NRG3: variants seen among roughly 807,000 people sequenced by gnomAD.
NRG3 encodes the protein pro-neuregulin-3, membrane-bound isoform.
A neutral mutation model predicts 66.9 loss-of-function variants in NRG3; 31 were observed. That is an observed-to-expected ratio of 0.46 (90% CI 0.35 to 0.63). The LOEUF is 0.63. Ranked by LOEUF, NRG3 falls within the 20% of genes least tolerant of loss-of-function variation. The pLI, the probability that NRG3 is intolerant of heterozygous loss-of-function variation, is 0.00. For missense variants in NRG3, 910 were observed against 878.9 expected (o/e 1.04, Z -0.45); for synonymous variants, 393 against 359.4 (o/e 1.09, Z -1.06).
At chr10:82,083,829 C>G (rs963829294) in intron 1 of NRG3, among the ~76,000 whole-genome samples, 4 of 151,118 alleles carry the variant, frequency 2.6e-5, no homozygotes, top group Non-Finnish European at 5.9e-5. Context: ...GTTGGTCAGG[C>G]TGGTCTCAAA....
At chr10:82,645,168 T>C (rs1353685810) in intron 2 of NRG3, among the ~76,000 whole-genome samples, 3 of 152,186 alleles carry the variant, frequency 2.0e-5, no homozygotes, top group Non-Finnish European at 4.4e-5. Context: ...GCTGGTATTA[T>C]ATGATACCAG....
chr10:82,639,310 T>G (rs1290504853), intron 2 of NRG3, among the ~76,000 whole-genome samples: 6 of 152,172 alleles, frequency 3.9e-5, no homozygotes, highest in Non-Finnish European at 8.8e-5. Context: ...CCCTTGGGCC[T>G]CTTTTATAAG....
chr10:82,730,858 T>C (rs2134643610), intron 2 of NRG3, among the ~76,000 whole-genome samples: 1 of 152,286 alleles, frequency 6.6e-6, no homozygotes, highest in East Asian at 1.9e-4. Context: ...CCAATAACTC[T>C]AGGCTGTAGA....
chr10:82,027,906 C>T (rs1374902399), intron 1 of NRG3, among the ~76,000 whole-genome samples: 1 of 152,074 alleles, frequency 6.6e-6, no homozygotes, highest in African/African-American at 2.4e-5. Context: ...ACAAGTTAGT[C>T]ACAGACTTTA....
chr10:82,905,200 A>G (rs1844608749), intron 4 of NRG3, among the ~76,000 whole-genome samples: 1 of 152,138 alleles, frequency 6.6e-6, no homozygotes, highest in Non-Finnish European at 1.5e-5. Context: ...GATTATTTAT[A>G]TCCATATGCC....
At chr10:81,977,960 A>G (rs2060188348) in intron 1 of NRG3, among the ~76,000 whole-genome samples, 1 of 152,176 alleles carries the variant, frequency 6.6e-6, no homozygotes, top group Admixed American at 6.6e-5. Flanking sequence ...ATGTTTTGAT[A>G]CATGTATTGT....
chr10:82,443,031 T>G (rs544457988), intron 2 of NRG3, among the ~76,000 whole-genome samples: 2 of 152,196 alleles, frequency 1.3e-5, no homozygotes, highest in South Asian at 2.1e-4. Context: ...TGTCTTTGAC[T>G]TTTACATACC....
chr10:82,482,035 G>A (rs186303258), intron 2 of NRG3, among the ~76,000 whole-genome samples: 16 of 152,026 alleles, frequency 1.1e-4, no homozygotes, highest in East Asian at 5.8e-4. Context: ...ATTATGTTTC[G>A]AAGCACAGCT....
chr10:82,433,543 G>A (rs1368509325), intron 2 of NRG3, among the ~76,000 whole-genome samples: 1 of 151,972 alleles, frequency 6.6e-6, no homozygotes, highest in Non-Finnish European at 1.5e-5. Flanking sequence ...GTCCTGAATG[G>A]CATTGCCAGG....
rs1005101433 is a variant in NRG3 at position 82,368,940 on chromosome 10, C to T, written c.953+10072C>T. Among the ~76,000 whole-genome samples, 3 of 138,102 alleles carry T rather than the reference C, an allele frequency of 2.2e-5. 1 individual carries two copies. Among genetic ancestry groups the T allele is most frequent in the African/African-American group, 6.8e-5 (2 of 29,578 alleles). 90.6% of individuals were successfully genotyped at this position (138,102 alleles called of 152,430 possible). On this transcript the variant is annotated intron_variant, in intron 2 of 8. Transcript: ENST00000372141. ...GGCTCAGCTGTTCTGTGGACTCTGC[C>T]GAGGCAATGAGGGAATTTGCCGTGT...
intron 2 of NRG3, among the ~76,000 whole-genome samples, chr10:82,696,060 T>C (rs2055356054): frequency 6.6e-6 from 1 of 152,152 alleles, no homozygotes; most frequent in South Asian, 2.1e-4. Flanking sequence ...ATTCTTTGCC[T>C]CTCCTAAGTG....
intron 2 of NRG3, among the ~76,000 whole-genome samples, chr10:82,378,042 G>C (rs1024317700): frequency 1.3e-5 from 2 of 152,200 alleles, no homozygotes; most frequent in African/African-American, 4.8e-5. Context: ...TGAGCTTTCA[G>C]TCACTAAGGA....
intron 1 of NRG3, among the ~76,000 whole-genome samples, chr10:82,218,969 C>T (rs1046655097): frequency 7.9e-5 from 12 of 152,002 alleles, no homozygotes; most frequent in Admixed American, 5.9e-4. Context: ...ACTTAAAAAA[C>T]CTATTAAATC....
At chr10:82,469,050 C>G (rs1840971691) in intron 2 of NRG3, among the ~76,000 whole-genome samples, 1 of 152,180 alleles carries the variant, frequency 6.6e-6, no homozygotes, top group Non-Finnish European at 1.5e-5. Flanking sequence ...AATGAATGAG[C>G]TCCCCTGAAG....
At chr10:82,400,334 G>A (rs180711124) in intron 2 of NRG3, among the ~76,000 whole-genome samples, 266 of 152,146 alleles carry the variant, frequency 1.7e-3, no homozygotes, top group African/African-American at 6.1e-3. Context: ...TATTTAAATT[G>A]CATAGGTGAG....
chr10:82,242,162 G>A (rs971890244), intron 1 of NRG3, among the ~76,000 whole-genome samples: 3 of 151,984 alleles, frequency 2.0e-5, no homozygotes, highest in Non-Finnish European at 4.4e-5. Flanking sequence ...TAGAACATGT[G>A]CAATACAAGT....
chr10:82,435,779 C>CTTT (rs1158502018), intron 2 of NRG3, among the ~76,000 whole-genome samples: 24 of 108,274 alleles, frequency 2.2e-4, no homozygotes, highest in East Asian at 5.3e-4. Flanking sequence ...CTTTTCTTTT[C>CTTT]TTTTTTTTTT....
chr10:82,137,662 C>G (rs897737089), intron 1 of NRG3, among the ~76,000 whole-genome samples: 24 of 152,096 alleles, frequency 1.6e-4, no homozygotes, highest in African/African-American at 5.8e-4. Context: ...GAATTTATGT[C>G]CTGTCTCAGA....
intron 1 of NRG3, among the ~76,000 whole-genome samples, chr10:82,101,377 T>G (rs79468928): frequency 0.028 from 4,317 of 151,984 alleles, 211 homozygotes; most frequent in African/African-American, 0.1. Flanking sequence ...CCTTCTGCTT[T>G]CTTTAGGCCT....
Sources: allele counts gnomAD v4.1 joint callset (sites outside exome capture counted in the v4.1 genomes callset), GRCh38; gene constraint gnomAD v4.1.1; transcripts MANE v1.5; gene names NCBI Gene and HGNC (gene_info 2026-07-23, HGNC 2026-07-21).